BBC3: variants seen among roughly 807,000 people sequenced by gnomAD.
BBC3 encodes the protein BCL2 binding component 3.
In BBC3, 5 loss-of-function variants were observed where a neutral mutation model predicts 18.2. That is an observed-to-expected ratio of 0.27 (90% confidence interval 0.14 to 0.58). The LOEUF is 0.58. BBC3 is among the 20% of genes least tolerant of loss of function. The pLI, the probability that BBC3 is intolerant of heterozygous loss-of-function variation, is 0.91. For missense variants in BBC3, 224 were observed against 268.9 expected (o/e 0.83, Z 1.17); for synonymous variants, 119 against 128.0 (o/e 0.93, Z 0.47).
At chr19:47,222,963 CAA>C (rs763480070) in intron 3 of BBC3, among the ~76,000 whole-genome samples, 8 of 60,460 alleles carry the variant, frequency 1.3e-4, no homozygotes, top group African/African-American at 7.0e-5. Flanking sequence ...AACTCTGTCT[CAA>C]AAAAAAAAAA....
chr19:47,226,820 G>C (rs1205014485), intron 2 of BBC3, 66 bp from the exon 3 acceptor site: 3 of 1,292,518 alleles, frequency 2.3e-6, no homozygotes, highest in Non-Finnish European at 3.0e-6. Context: ...GTCTCGGCCT[G>C]CTCCCCTCTT....
In BBC3 at chr19:47,230,889, C is replaced by T; in HGVS notation, c.-16+40G>A. 2.0e-6 allele frequency: 2 copies of T among 981,676 alleles called. No individual in the cohort carries two copies. The highest frequency in any genetic ancestry group is 9.4e-5 in the South Asian group (2 of 21,224). The allele number at this position is 981,676 out of a possible 1,614,324, so 60.8% of individuals were successfully genotyped here. A position where few individuals can be genotyped will look rare whatever the true frequency, so the allele number is the denominator to read the frequency against. ...CCTCCAGGGAGTCCACCCGGCCTGG[C>T]CGATCGCCGCCGGAGAGGATTCGGG... On this transcript the variant is annotated intron_variant, in intron 1 of 3. Transcript: ENST00000439096. This position sits in a 1 kb window ranked among gnomAD's most constrained non-coding sequence, Gnocchi z 6.7.
rs1003340037 is a variant in BBC3, at chr19:47,230,400, GC to G, written c.-16+528del. Among the ~76,000 whole-genome samples, 1 of 148,638 alleles carries G rather than the reference GC, an allele frequency of 6.7e-6. No individual in the cohort carries two copies. Among genetic ancestry groups the G allele is most frequent in the African/African-American group, 2.5e-5 (1 of 40,566 alleles). ...CCAGACACCCCCCTCCGCTGTCACA[GC>G]CCCCCCCACCGCCGCCACGTGCGCC... On this transcript the variant is annotated intron_variant, in intron 1 of 3. Transcript: ENST00000439096. The surrounding 1 kb of genome is among the most constrained non-coding windows in gnomAD (Gnocchi z 6.7).
At chr19:47,221,982 G>T in intron 3 of BBC3, 64 bp from the exon 4 acceptor site, 1 of 1,428,518 alleles carries the variant, frequency 7.0e-7, no homozygotes, top group Non-Finnish European at 9.5e-7. Context: ...GAGTGGGGAT[G>T]GTCAGCTCCA....
In BBC3 at chr19:47,221,437, C is replaced by CCCCCA; in HGVS notation, c.*364_*365insTGGGG. ...GCACCGAGAGGAGAGCCCCCCCCTC[C>CCCCCA]CAGTGTCACCCCTGCAGCTGGAACG... On this transcript the variant is annotated 3_prime_UTR_variant, in exon 4 of 4. Coordinates refer to ENST00000439096, the MANE Select transcript of BBC3 (RefSeq NM_014417.5). 2 of 255,926 alleles carry CCCCCA rather than the reference C, an allele frequency of 7.8e-6. 1 individual carries two copies. Among genetic ancestry groups the CCCCCA allele is most frequent in the Non-Finnish European group, 1.4e-5 (2 of 140,174 alleles). The allele number at this position is 255,926 out of a possible 1,614,324, so 15.9% of individuals were successfully genotyped here.
rs530079428 is a variant in BBC3 at position 47,226,502 on chromosome 19, G to T, written c.465+62C>A. The T allele has an allele frequency of 1.4e-5, 21 of 1,457,120 alleles. No homozygotes were observed. The African/African-American group carries it at 2.1e-4, about 14-fold the overall frequency. 90.3% of individuals were successfully genotyped at this position (1,457,120 alleles called of 1,614,324 possible). ...AGCTGCCGCACATCTGGCGGGGGCC[G>T]CCTGCCGCCCCCTCCTCCGGCGGAA... On this transcript the variant is annotated intron_variant, in intron 3 of 3. Coordinates refer to ENST00000439096, the MANE Select transcript of BBC3 (RefSeq NM_014417.5).
intron 3 of BBC3, among the ~76,000 whole-genome samples, chr19:47,223,328 A>C (rs902343114): frequency 8.6e-5 from 13 of 150,996 alleles, no homozygotes; most frequent in African/African-American, 3.2e-4. Context: ...GCACTTTGGG[A>C]GGCCAAGGCA....
At chr19:47,229,142 G>A (rs1427211947) in intron 1 of BBC3, among the ~76,000 whole-genome samples, 3 of 151,876 alleles carry the variant, frequency 2.0e-5, no homozygotes, top group Non-Finnish European at 2.9e-5. Flanking sequence ...TATGCCCAGG[G>A]GCACATGCAA....
chr19:47,231,598 C>G (rs2058916312), upstream of BBC3, among the ~76,000 whole-genome samples: 1 of 152,186 alleles, frequency 6.6e-6, no homozygotes, highest in Admixed American at 6.5e-5. The surrounding 1 kb of genome is among the most constrained non-coding windows in gnomAD (Gnocchi z 4.0). Flanking sequence ...AGGATGTACT[C>G]ACAGACACAA....
At chr19:47,226,428 T>A in intron 3 of BBC3, 136 bp downstream of exon 3, 47 of 84,442 alleles carry the variant, frequency 5.6e-4, no homozygotes, top group Non-Finnish European at 8.5e-4. Flanking sequence ...CCCCACCCAC[T>A]TACCCCCCAC....
chr19:47,221,661 G>A lies in BBC3; in HGVS notation c.*141C>T, dbSNP rs776198420. ...GGGCTGGGGCTGGAGTGGCTGCCCC[G>A]GCCCGCCCCCGGGACAGGCAGGGCT... On this transcript the variant is annotated 3_prime_UTR_variant, in exon 4 of 4. Coordinates refer to ENST00000439096, the MANE Select transcript of BBC3 (RefSeq NM_014417.5). The A allele has an allele frequency of 2.6e-6, 4 of 1,509,590 alleles. No homozygotes were observed. Among genetic ancestry groups the A allele is most frequent in the East Asian group, 2.5e-5 (1 of 40,068 alleles). 93.5% of individuals were successfully genotyped at this position (1,509,590 alleles called of 1,614,324 possible).
upstream of BBC3, chr19:47,231,236 G>GCCC: frequency 2.1e-6 from 2 of 945,364 alleles, no homozygotes; most frequent in Non-Finnish European, 2.5e-6. This position sits in a 1 kb window ranked among gnomAD's most constrained non-coding sequence, Gnocchi z 4.0. Context: ...CTCCAAAGCC[G>GCCC]CCCCGCCCCG....
chr19:47,232,466 A>G, upstream of BBC3: 1 of 1,488,662 alleles, frequency 6.7e-7, no homozygotes, highest in Non-Finnish European at 9.1e-7. Flanking sequence ...CTTCTTGCTA[A>G]CTGGCCCACT....
At position 47,230,529 on chromosome 19, in the gene BBC3, C is replaced by T. The variant is rs2058898774; in HGVS notation, c.-16+400G>A. 1.3e-5 allele frequency among the ~76,000 whole-genome samples: 2 copies of T among 151,254 alleles called. No homozygotes were observed. Among genetic ancestry groups the T allele is most frequent in the South Asian group, 4.1e-4 (2 of 4,822 alleles). ...ACTCCACGGCCCGCGAGCCGCCCCC[C>T]GTCGCCGCCCCCAGCGGGCGCGCGC... On this transcript the variant is annotated intron_variant, in intron 1 of 3. Coordinates refer to ENST00000439096, the MANE Select transcript of BBC3 (RefSeq NM_014417.5). The surrounding 1 kb of genome is among the most constrained non-coding windows in gnomAD (Gnocchi z 6.7).
At chr19:47,226,788 C>A in intron 2 of BBC3, 34 bp from the exon 3 acceptor site, 1 of 1,369,998 alleles carries the variant, frequency 7.3e-7, no homozygotes, top group Non-Finnish European at 9.4e-7. Flanking sequence ...TCAGCACCCA[C>A]CACCCCTCCA....
At position 47,230,960 on chromosome 19, in the gene BBC3, C is replaced by T; in HGVS notation, c.-47G>A. 2.0e-6 allele frequency: 2 copies of T among 982,998 alleles called. No individual in the cohort carries two copies. Among genetic ancestry groups the T allele is most frequent in the Non-Finnish European group, 2.4e-6 (2 of 827,748 alleles). The allele number at this position is 982,998 out of a possible 1,614,324, so 60.9% of individuals were successfully genotyped here. On this transcript the variant is annotated 5_prime_UTR_variant, in exon 1 of 4. Coordinates refer to ENST00000439096, the MANE Select transcript of BBC3 (RefSeq NM_014417.5). This position sits in a 1 kb window ranked among gnomAD's most constrained non-coding sequence, Gnocchi z 6.7. ...GGCATGAACACGCCGGAGGGGGCGG[C>T]GGTGGGGGGCGGGCGGCTTCCTTCA...
chr19:47,226,387 C>T (rs2123375512), intron 3 of BBC3, among the ~76,000 whole-genome samples, 177 bp downstream of exon 3: 3 of 152,104 alleles, frequency 2.0e-5, no homozygotes, highest in Admixed American at 2.0e-4. Context: ...GGCGCGGAGT[C>T]CTTGGGCGGC....
intron 2 of BBC3, chr19:47,227,333 T>C (rs1179977985): frequency 4.8e-5 from 4 of 84,096 alleles, no homozygotes; most frequent in African/African-American, 1.9e-4. Context: ...CCCCCACTTC[T>C]GAGCGCCCTA....
rs1600254216 is a variant in BBC3 at position 47,230,752 on chromosome 19, G to A, written c.-16+177C>T. ...GCGCCCAGACCGGCGCCCCAACGCC[G>A]AGCCGCCTCTCACCCGGCGACCCTG... On this transcript the variant is annotated intron_variant, in intron 1 of 3. Transcript: ENST00000439096. This position sits in a 1 kb window ranked among gnomAD's most constrained non-coding sequence, Gnocchi z 6.7. 10 of 985,108 alleles carry A rather than the reference G, an allele frequency of 1.0e-5. No homozygotes were observed. Among genetic ancestry groups the A allele is most frequent in the Non-Finnish European group, 1.2e-5 (10 of 829,844 alleles). 61.0% of individuals were successfully genotyped at this position (985,108 alleles called of 1,614,324 possible).
Sources: allele counts gnomAD v4.1 joint callset (sites outside exome capture counted in the v4.1 genomes callset), GRCh38; gene constraint gnomAD v4.1.1; non-coding constraint Gnocchi (gnomAD v3.1); transcripts MANE v1.5; gene names NCBI Gene and HGNC (gene_info 2026-07-23, HGNC 2026-07-21).